The following GPATCH2 variants were observed in gnomAD, a reference collection of about 807,000 sequenced individuals.
GPATCH2 encodes G-patch domain containing 2.
Under a neutral mutation model 58.0 loss-of-function variants are expected in GPATCH2, and 51 were observed. The observed-to-expected ratio is 0.88, with a 90% confidence interval of 0.70 to 1.11. The LOEUF (loss-of-function observed/expected upper bound fraction) is 1.11, where lower values mean the gene tolerates loss of function less well. GPATCH2 is among the 50% of genes most tolerant of loss of function. The probability of loss-of-function intolerance (pLI) is 0.00; values close to 1 mark genes in which losing one functional copy is unlikely to be tolerated. For missense variants in GPATCH2, 625 were observed against 652.2 expected, an observed-to-expected ratio of 0.96 and a Z score of 0.45; for synonymous variants, 222 against 218.5, an observed-to-expected ratio of 1.02 and a Z score of -0.14.
intron 5 of GPATCH2, among the ~76,000 whole-genome samples, chr1:217,534,253 C>T (rs1235587471): frequency 6.6e-6 from 1 of 151,996 alleles, no homozygotes; most frequent in African/African-American, 2.4e-5. Context: ...AAGATTCTTA[C>T]AGTTCTTATA....
intron 5 of GPATCH2, among the ~76,000 whole-genome samples, chr1:217,556,824 C>T (rs900104134): frequency 1.3e-5 from 2 of 152,108 alleles, no homozygotes; most frequent in East Asian, 1.9e-4. Context: ...TACAATGTTT[C>T]GGGGAAGCCA....
chr1:217,471,664 T>A (rs1660728033), intron 8 of GPATCH2, among the ~76,000 whole-genome samples: 2 of 152,190 alleles, frequency 1.3e-5, no homozygotes, highest in African/African-American at 4.8e-5. Flanking sequence ...AGGGCTGACA[T>A]GAATGTGATG....
rs542230367 is a variant in GPATCH2, at chr1:217,548,146, C to T, written c.1099-33257G>A. Among the ~76,000 whole-genome samples, 12 of 152,100 alleles carry T rather than the reference C, an allele frequency of 7.9e-5. No homozygotes were observed. In the South Asian group the frequency reaches 1.0e-3, roughly 13 times the overall value. Reference sequence around the variant, plus strand: ...ATACCAGTGTGAAAACGGACTAATACGCTAATATAGGAACAGAAAACCAAA... The same window carrying T: ...ATACCAGTGTGAAAACGGACTAATATGCTAATATAGGAACAGAAAACCAAA... On this transcript the variant is annotated intron_variant, in intron 5 of 9. Coordinates refer to ENST00000366935, the MANE Select transcript of GPATCH2 (RefSeq NM_018040.5).
In GPATCH2 at chr1:217,514,167, T is replaced by A. The variant is rs779483690; in HGVS notation, c.1166+655A>T. ...CAAAACAGTCTTTTACTCCTTTTTT[T>A]TTTTCCTTCTGCGATGGAGTCTCAC... On this transcript the variant is annotated intron_variant, in intron 6 of 9. Coordinates refer to ENST00000366935, the MANE Select transcript of GPATCH2 (RefSeq NM_018040.5). 3.3e-5 allele frequency among the ~76,000 whole-genome samples: 5 copies of A among 150,564 alleles called. No homozygotes were observed. The East Asian group carries it at 9.9e-4, about 30-fold the overall frequency.
chr1:217,628,073 G>C (rs1336808358), intron 1 of GPATCH2, among the ~76,000 whole-genome samples: 1 of 151,924 alleles, frequency 6.6e-6, no homozygotes, highest in Non-Finnish European at 1.5e-5. Flanking sequence ...AAAATTTACT[G>C]AACATATAAC....
chr1:217,492,229 C>G (rs1438891616), intron 7 of GPATCH2, among the ~76,000 whole-genome samples: 2 of 152,140 alleles, frequency 1.3e-5, no homozygotes, highest in African/African-American at 2.4e-5. Context: ...ATTATTTTCT[C>G]TGTACCTACT....
chr1:217,538,326 A>G (rs1048714705), intron 5 of GPATCH2, among the ~76,000 whole-genome samples: 1 of 152,194 alleles, frequency 6.6e-6, no homozygotes, highest in Non-Finnish European at 1.5e-5. Flanking sequence ...TAAGATTTGC[A>G]GATTCTGTAA....
chr1:217,592,514 T>G (rs1242944207), intron 5 of GPATCH2, among the ~76,000 whole-genome samples: 1 of 151,884 alleles, frequency 6.6e-6, no homozygotes, highest in East Asian at 1.9e-4. Context: ...CAAGAACCAG[T>G]GTTCACCACA....
At position 217,498,545 on chromosome 1, in the gene GPATCH2, A is replaced by G. The variant is rs183607109; in HGVS notation, c.1167-150T>C. On this transcript the variant is annotated intron_variant, in intron 6 of 9. Coordinates refer to ENST00000366935, the MANE Select transcript of GPATCH2 (RefSeq NM_018040.5). ...TAATGGATGTTTCATGTAATTCTAG[A>G]CTTAGACCAATTTTGACAGAACTGT... 151 of 677,482 alleles carry G rather than the reference A, an allele frequency of 2.2e-4. No individual in the cohort carries two copies. The East Asian group carries it at 3.1e-3, about 14-fold the overall frequency. 42.0% of individuals were successfully genotyped at this position (677,482 alleles called of 1,614,324 possible). A position where few individuals can be genotyped will look rare whatever the true frequency, so the allele number is the denominator to read the frequency against.
rs1308230397 is a variant in GPATCH2, at chr1:217,431,165, TG to T, written c.1566del (p.Asn523MetfsTer27). The T allele has an allele frequency of 5.8e-6, 9 of 1,546,172 alleles. No homozygotes were observed. The highest frequency in any genetic ancestry group is 8.0e-6 in the Non-Finnish European group (9 of 1,118,038). ...TTTTCTTAGGCGGATTTTCCTGCAT[TG>T]GGGGTAGTAGTTGCGGAAGTACTTT... The part of the protein sequence containing the change: ...LPKSTSATTT[P>X]NAGKSA On this transcript the variant is annotated frameshift_variant, in exon 10 of 10. Coordinates refer to ENST00000366935, the MANE Select transcript of GPATCH2 (RefSeq NM_018040.5). LOFTEE classifies it high-confidence loss of function.
intron 8 of GPATCH2, among the ~76,000 whole-genome samples, chr1:217,481,287 T>C (rs1318247976): frequency 6.6e-6 from 1 of 152,128 alleles, no homozygotes; most frequent in Non-Finnish European, 1.5e-5. Flanking sequence ...ATACCTACTA[T>C]GTCCCCACAA....
At chr1:217,445,464 T>C (rs1356210420) in intron 9 of GPATCH2, among the ~76,000 whole-genome samples, 1 of 152,152 alleles carries the variant, frequency 6.6e-6, no homozygotes, top group Non-Finnish European at 1.5e-5. Flanking sequence ...TCTTATTTTG[T>C]TCACTGCTTT....
At chr1:217,491,947 A>G (rs372776161) in intron 7 of GPATCH2, among the ~76,000 whole-genome samples, 197 bp from the exon 8 acceptor site, 127 of 151,900 alleles carry the variant, frequency 8.4e-4, no homozygotes, top group African/African-American at 3.0e-3. Flanking sequence ...TCAGGGAGAC[A>G]AGTTTTTCTT....
chr1:217,549,179 A>C (rs972369480), intron 5 of GPATCH2, among the ~76,000 whole-genome samples: 1 of 152,200 alleles, frequency 6.6e-6, no homozygotes, highest in African/African-American at 2.4e-5. Flanking sequence ...TTCAATTACA[A>C]AACCATTTAC....
intron 5 of GPATCH2, among the ~76,000 whole-genome samples, chr1:217,603,508 C>T (rs964456973): frequency 7.2e-5 from 11 of 151,948 alleles, no homozygotes; most frequent in African/African-American, 2.4e-4. Context: ...TTTAATAGAA[C>T]TGAATGAAAA....
chr1:217,602,709 A>G (rs950977530), intron 5 of GPATCH2, among the ~76,000 whole-genome samples: 2 of 152,182 alleles, frequency 1.3e-5, no homozygotes, highest in African/African-American at 4.8e-5. Flanking sequence ...TACAAAGGGA[A>G]GAAAGGGTGA....
At chr1:217,498,501 C>T (rs571722656) in intron 6 of GPATCH2, 106 bp from the exon 7 acceptor site, 1 of 806,662 alleles carries the variant, frequency 1.2e-6, no homozygotes, top group African/African-American at 1.7e-5. Context: ...AGCAACACAG[C>T]CTTAAATATG....
intron 6 of GPATCH2, among the ~76,000 whole-genome samples, chr1:217,508,792 G>A (rs1037906643): frequency 7.2e-5 from 11 of 151,954 alleles, no homozygotes; most frequent in Non-Finnish European, 1.3e-4. Flanking sequence ...TAGCTGGATT[G>A]AGGCTCTTGT....
intron 5 of GPATCH2, among the ~76,000 whole-genome samples, chr1:217,594,642 A>G (rs555852825): frequency 6.6e-6 from 1 of 152,304 alleles, no homozygotes; most frequent in Non-Finnish European, 1.5e-5. Flanking sequence ...CATGGTTAGA[A>G]CATCTAATTT....
Sources: allele counts gnomAD v4.1 joint callset (sites outside exome capture counted in the v4.1 genomes callset), GRCh38; gene constraint gnomAD v4.1.1; transcripts MANE v1.5; gene names NCBI Gene and HGNC (gene_info 2026-07-23, HGNC 2026-07-21).